Variants in ZNF224 observed in about 807,000 individuals in gnomAD.
The protein encoded by ZNF224 is bone marrow zinc finger 2.
Under a neutral mutation model 10.5 loss-of-function variants are expected in ZNF224, and 8 were observed. The observed-to-expected ratio is 0.76, with a 90% CI of 0.45 to 1.37. The LOEUF is 1.37. Ranked by LOEUF, ZNF224 falls within the 40% of genes most tolerant of loss-of-function variation. The pLI is 0.00. For missense variants in ZNF224, 754 were observed against 854.0 expected (o/e 0.88, Z 1.46); for synonymous variants, 282 against 287.8 (o/e 0.98, Z 0.20).
At chr19:44,103,792 A>G (rs1967594033) in intron 5 of ZNF224, among the ~76,000 whole-genome samples, 2 of 151,966 alleles carry the variant, frequency 1.3e-5, no homozygotes, top group South Asian at 2.1e-4. Context: ...CTGAGTTCAC[A>G]TGATTCTCAT....
chr19:44,097,419 A>C (rs1306883150), intron 2 of ZNF224, among the ~76,000 whole-genome samples: 1 of 152,112 alleles, frequency 6.6e-6, no homozygotes, highest in African/African-American at 2.4e-5. Context: ...CTTCATTCTC[A>C]CTCAGATCTG....
At chr19:44,100,639 A>G (rs868702665) in intron 3 of ZNF224, among the ~76,000 whole-genome samples, 162 bp from the exon 4 acceptor site, 3 of 152,284 alleles carry the variant, frequency 2.0e-5, no homozygotes, top group Middle Eastern at 6.8e-3. Context: ...GAAATCAGTC[A>G]TTGTCAGGAT....
At chr19:44,095,202 G>T (rs1813009938) in intron 1 of ZNF224, 1 of 225,060 alleles carries the variant, frequency 4.4e-6, no homozygotes, top group South Asian at 7.8e-5. Context: ...CACCCCAACC[G>T]AGAGTGTATA....
chr19:44,098,135 T>A (rs577322790), intron 3 of ZNF224, among the ~76,000 whole-genome samples: 87 of 152,336 alleles, frequency 5.7e-4, no homozygotes, highest in Middle Eastern at 3.4e-3. Context: ...TTATACTACT[T>A]CTCTGCTCAC....
chr19:44,107,736 A>C lies in ZNF224; in HGVS notation c.1576A>C (p.Asn526His). 6.2e-7 allele frequency: 1 copy of C among 1,613,112 alleles called. No individual in the cohort carries two copies. The highest frequency in any genetic ancestry group is 1.1e-5 in the South Asian group (1 of 91,034). The change falls in exon 6 of 6, where the codon AAT becomes CAT. Residue 526 changes from asparagine to histidine, a missense_variant. Transcript: ENST00000693561. ...TGGAAAGGGCTACAATAGTAAGTTT[A>C]ATCTTGATATGCACCAGAAGGTCCA... ...KCGKGYNSKF[N>H]LDMHQKVHTG...
At position 44,107,741 on chromosome 19, in the gene ZNF224, T is replaced by A. The variant is rs780328453; in HGVS notation, c.1581T>A (p.Leu527=). ...CGKGYNSKFN[L]DMHQKVHTGE... is the part of the protein sequence containing the mutation. Reference sequence around the variant, plus strand: ...AGGGCTACAATAGTAAGTTTAATCTTGATATGCACCAGAAGGTCCACACAG... The same window carrying A: ...AGGGCTACAATAGTAAGTTTAATCTAGATATGCACCAGAAGGTCCACACAG... Residue 527 remains leucine (L), a synonymous_variant, in exon 6 of 6, where the codon CTT becomes CTA. Coordinates refer to ENST00000693561, the MANE Select transcript of ZNF224 (RefSeq NM_001321645.3). 4.3e-6 allele frequency: 7 copies of A among 1,613,794 alleles called. No homozygotes were observed. The highest frequency in any genetic ancestry group is 5.9e-6 in the Non-Finnish European group (7 of 1,179,992).
chr19:44,096,774 C>G (rs913703432), intron 2 of ZNF224, among the ~76,000 whole-genome samples: 2 of 152,082 alleles, frequency 1.3e-5, no homozygotes, highest in East Asian at 1.9e-4. Flanking sequence ...GATTCTACAC[C>G]CTTTGTCTTT....
rs749494520 is a variant in ZNF224, at chr19:44,108,724, C to T, written c.*440C>T. The T allele has an allele frequency of 3.1e-5, 16 of 516,604 alleles. No individual in the cohort carries two copies. Among genetic ancestry groups the T allele is most frequent in the Admixed American group, 2.9e-4 (15 of 51,582 alleles). The allele number at this position is 516,604 out of a possible 1,614,324, so 32.0% of individuals were successfully genotyped here. A position where few individuals can be genotyped will look rare whatever the true frequency, so the allele number is the denominator to read the frequency against. ...TGCTGCTAAGTCGTCACAGCCTTAA[C>T]ATTGATTAGCACTTTGTATGTGTTC... On this transcript the variant is annotated 3_prime_UTR_variant, in exon 6 of 6. Coordinates refer to ENST00000693561, the MANE Select transcript of ZNF224 (RefSeq NM_001321645.3).
chr19:44,097,695 A>G, intron 2 of ZNF224, 111 bp from the exon 3 acceptor site: 1 of 619,232 alleles, frequency 1.6e-6, no homozygotes, highest in Non-Finnish European at 2.8e-6. Flanking sequence ...TTTATGATTA[A>G]TGCTGCTGTG....
In ZNF224 at chr19:44,108,444, T is replaced by C; in HGVS notation, c.*160T>C. The C allele has an allele frequency of 2.5e-6, 2 of 799,254 alleles. No homozygotes were observed. The allele number at this position is 799,254 out of a possible 1,614,324, so 49.5% of individuals were successfully genotyped here. A position where few individuals can be genotyped will look rare whatever the true frequency, so the allele number is the denominator to read the frequency against. On this transcript the variant is annotated 3_prime_UTR_variant, in exon 6 of 6. Coordinates refer to ENST00000693561, the MANE Select transcript of ZNF224 (RefSeq NM_001321645.3). The stretch of plus-strand genomic sequence containing the variant: ...CATGCTGGTGATAAATTTCACCCAT[T>C]CTTGGAAGAGGGAAAACATTTGTTT...
chr19:44,103,544 C>A (rs1403164074), intron 5 of ZNF224, among the ~76,000 whole-genome samples: 1 of 152,052 alleles, frequency 6.6e-6, no homozygotes, highest in Non-Finnish European at 1.5e-5. Context: ...AAGATGTGAT[C>A]ATTTCTTTTC....
chr19:44,107,676 C>G lies in ZNF224; in HGVS notation c.1516C>G (p.His506Asp), dbSNP rs3746323. 1.7e-4 allele frequency: 269 copies of G among 1,613,908 alleles called. 2 individuals are homozygous for G. The East Asian group carries it at 6.0e-3, about 36-fold the overall frequency. Residue 506 changes from histidine (H) to aspartate (D), a missense_variant, in exon 6 of 6, where the codon CAC becomes GAC. By Grantham distance (81) the His-to-Asp change is moderately conservative. Coordinates refer to ENST00000693561, the MANE Select transcript of ZNF224 (RefSeq NM_001321645.3). ...ACATCTTCATTCCCATCAGAGAGTT[C>G]ACACTGGAGAAAAGCCATACAAATG... ...NSHLHSHQRV[H>D]TGEKPYKCEK... is the part of the protein sequence containing the mutation.
intron 3 of ZNF224, 141 bp downstream of exon 3, chr19:44,098,029 C>T: frequency 1.2e-6 from 1 of 838,440 alleles, no homozygotes; most frequent in Non-Finnish European, 1.8e-6. Context: ...TCCTTTGTTA[C>T]TTTTGAGTGG....
At chr19:44,104,942 G>T (rs552221342) in intron 5 of ZNF224, among the ~76,000 whole-genome samples, 84 of 152,324 alleles carry the variant, frequency 5.5e-4, no homozygotes, top group Admixed American at 1.2e-3. Context: ...GATTACAGGC[G>T]TGAGCCACCG....
In ZNF224 at chr19:44,106,618, A is replaced by G. The variant is rs1967668317; in HGVS notation, c.458A>G (p.Tyr153Cys). The change falls in exon 6 of 6, where the codon TAT (tyrosine) becomes TGT (cysteine). Residue 153 changes from tyrosine to cysteine, a missense_variant. By Grantham distance (194) the Tyr-to-Cys change is radical. Transcript: ENST00000693561. ...CAGAAATCTTCCCAGGGCAATGGAT[A>G]TAAACCATCCTTCAGTGATGTCTCC... ...TRQKSSQGNG[Y>C]KPSFSDVSHF... The G allele has an allele frequency of 1.2e-6, 2 of 1,601,980 alleles. No individual in the cohort carries two copies. The highest frequency in any genetic ancestry group is 1.7e-6 in the Non-Finnish European group (2 of 1,173,314).
At chr19:44,101,112 T>G (rs768160547) in intron 4 of ZNF224, 21 bp from the exon 5 acceptor site, 2 of 1,613,690 alleles carry the variant, frequency 1.2e-6, no homozygotes, top group South Asian at 2.2e-5. Context: ...GGATTAAGCA[T>G]GTAAGTTTGC....
At chr19:44,106,244 T>C (rs543164845) in intron 5 of ZNF224, 152 bp from the exon 6 acceptor site, 3 of 781,552 alleles carry the variant, frequency 3.8e-6, no homozygotes, top group Non-Finnish European at 6.1e-6. Flanking sequence ...GAAATTGGCC[T>C]CATCCAAACC....
In ZNF224 at chr19:44,107,078, T is replaced by G; in HGVS notation, c.918T>G (p.His306Gln). 1 of 1,601,400 alleles carries G rather than the reference T, an allele frequency of 6.2e-7. No homozygotes were observed. The highest frequency in any genetic ancestry group is 8.5e-7 in the Non-Finnish European group (1 of 1,173,088). Residue 306 changes from histidine (H) to glutamine (Q), a missense_variant, in exon 6 of 6, where the codon CAT becomes CAG. By Grantham distance (24) the His-to-Gln change is conservative (BLOSUM62 0). Transcript: ENST00000693561. ...SFCGRSRLNRHSMVHTAEKPF... is the reference protein window; with the variant it reads ...SFCGRSRLNRQSMVHTAEKPF... ...GTGGTAGATCAAGACTTAATAGGCATTCCATGGTTCACACGGCAGAGAAAC... is the reference window on the plus strand; with the variant it reads ...GTGGTAGATCAAGACTTAATAGGCAGTCCATGGTTCACACGGCAGAGAAAC...
Position 44,107,638 on chromosome 19 carries a change from T to A in ZNF224, c.1478T>A (p.Phe493Tyr), listed in dbSNP as rs1967718230. 6.2e-7 allele frequency: 1 copy of A among 1,613,854 alleles called. No homozygotes were observed. The highest frequency in any genetic ancestry group is 8.5e-7 in the Non-Finnish European group (1 of 1,179,958). Residue 493 changes from phenylalanine to tyrosine, a missense_variant, in exon 6 of 6, where the codon TTT becomes TAT. By Grantham distance (22) the Phe-to-Tyr change is conservative. Transcript: ENST00000693561. ...CAATGTGAAGAGTGTGGGAAGAGAT[T>A]TACTCAAAATTCACATCTTCATTCC... The part of the protein sequence containing the change: ...PFQCEECGKR[F>Y]TQNSHLHSHQ...
Sources: allele counts gnomAD v4.1 joint callset (sites outside exome capture counted in the v4.1 genomes callset), GRCh38; gene constraint gnomAD v4.1.1; transcripts MANE v1.5; gene names NCBI Gene and HGNC (gene_info 2026-07-23, HGNC 2026-07-21).